Variants in FBXW7 observed in about 807,000 individuals in gnomAD.
FBXW7 encodes F-box/WD repeat-containing protein 7.
In FBXW7, 11 loss-of-function variants were observed where a neutral mutation model predicts 86.3. The observed-to-expected ratio is 0.13, with a 90% CI of 0.08 to 0.21. The LOEUF is 0.21. Ranked by LOEUF, FBXW7 falls within the 10% of genes least tolerant of loss-of-function variation. The pLI is 1.00. For synonymous variants in FBXW7, 313 were observed against 297.9 expected (o/e 1.05, Z -0.52); for missense variants, 488 against 847.4 (o/e 0.58, Z 5.27).
intron 4 of FBXW7, among the ~76,000 whole-genome samples, chr4:152,408,262 T>C (rs1737608678): frequency 6.6e-6 from 1 of 152,220 alleles, no homozygotes; most frequent in Non-Finnish European, 1.5e-5. Flanking sequence ...TTTTTCATGT[T>C]AGTAGAAAAT....
rs1334352027 is a variant in FBXW7 at position 152,326,124 on chromosome 4, T to C, written c.1526A>G (p.Tyr509Cys). ...GHVAAVRCVQ[Y>C]DGRRVVSGAY... ...TCCACTAACAACCCTCCTGCCATCA[T>C]ATTGAACACAGCGGACTGCTGCAAC... The change falls in exon 12 of 14, where the codon TAT (tyrosine) becomes TGT (cysteine). Residue 509 changes from tyrosine (Y) to cysteine (C), a missense_variant. Around this residue, in one of 4 missense-constraint regions of FBXW7, gnomAD observed 142 missense variants for 406.6 expected, o/e 0.35. Coordinates refer to ENST00000281708, the MANE Select transcript of FBXW7 (RefSeq NM_001349798.2). The C allele has an allele frequency of 6.2e-7, 1 of 1,613,444 alleles. No homozygotes were observed. Among genetic ancestry groups the C allele is most frequent in the East Asian group, 2.2e-5 (1 of 44,858 alleles).
chr4:152,479,827 G>C lies in FBXW7; in HGVS notation c.-120+55114C>G, dbSNP rs945415034. 1.3e-5 allele frequency among the ~76,000 whole-genome samples: 2 copies of C among 152,150 alleles called. 1 individual carries two copies. Among genetic ancestry groups the C allele is most frequent in the South Asian group, 4.1e-4 (2 of 4,822 alleles). ...CCTTTGTAGTCGTACAAGATTTACA[G>C]AATAATTGGGCACCACTGCATACGT... On this transcript the variant is annotated intron_variant, in intron 2 of 13. Coordinates refer to ENST00000281708, the MANE Select transcript of FBXW7 (RefSeq NM_001349798.2).
intron 4 of FBXW7, among the ~76,000 whole-genome samples, chr4:152,360,979 T>C (rs892921716): frequency 1.7e-4 from 26 of 151,918 alleles, no homozygotes; most frequent in Non-Finnish European, 2.8e-4. Context: ...TCCAGAAGAA[T>C]TCAAAATGAC....
chr4:152,523,693 A>G (rs1749233182), intron 2 of FBXW7, among the ~76,000 whole-genome samples: 1 of 152,196 alleles, frequency 6.6e-6, no homozygotes, highest in Admixed American at 6.5e-5. Flanking sequence ...CTACCTCCAA[A>G]CACTCTCAAG....
chr4:152,446,523 T>C (rs1251910295), intron 2 of FBXW7, among the ~76,000 whole-genome samples: 1 of 152,228 alleles, frequency 6.6e-6, no homozygotes, highest in Non-Finnish European at 1.5e-5. Context: ...TGTTCATACA[T>C]AATTTGATCA....
chr4:152,520,995 AT>A (rs1380972181), intron 2 of FBXW7, among the ~76,000 whole-genome samples: 1 of 152,208 alleles, frequency 6.6e-6, no homozygotes, highest in East Asian at 1.9e-4. Flanking sequence ...AGGTGACAAG[AT>A]AATGTGTGGT....
At chr4:152,500,387 C>T (rs907506626) in intron 2 of FBXW7, among the ~76,000 whole-genome samples, 2 of 151,270 alleles carry the variant, frequency 1.3e-5, no homozygotes, top group East Asian at 2.0e-4. Flanking sequence ...CTGATAACTG[C>T]ACCATACCAA....
intron 2 of FBXW7, among the ~76,000 whole-genome samples, chr4:152,454,884 C>T (rs1375078144): frequency 6.6e-6 from 1 of 152,024 alleles, no homozygotes; most frequent in Non-Finnish European, 1.5e-5. Context: ...CAATGCACCT[C>T]CACTTTCCAA....
At chr4:152,329,342 G>A (rs1729342354) in intron 10 of FBXW7, among the ~76,000 whole-genome samples, 1 of 151,650 alleles carries the variant, frequency 6.6e-6, no homozygotes, top group Admixed American at 6.6e-5. Flanking sequence ...AAAGTAATGA[G>A]GTATAACTTA....
chr4:152,354,107 C>T (rs1182232566), intron 4 of FBXW7, among the ~76,000 whole-genome samples: 3 of 152,010 alleles, frequency 2.0e-5, no homozygotes, highest in South Asian at 4.2e-4. Context: ...ATAACTAAGA[C>T]ATTATGTCAA....
chr4:152,516,238 G>A (rs140858522), intron 2 of FBXW7, among the ~76,000 whole-genome samples: 1 of 152,322 alleles, frequency 6.6e-6, no homozygotes, highest in African/African-American at 2.4e-5. Context: ...GTACTGGTCC[G>A]TGGCCTGTTA....
intron 2 of FBXW7, among the ~76,000 whole-genome samples, chr4:152,423,417 T>C (rs1426063127): frequency 1.3e-5 from 2 of 152,214 alleles, no homozygotes; most frequent in South Asian, 4.1e-4. Context: ...TAAATTTTTA[T>C]TGATAATTTT....
At chr4:152,475,426 C>G (rs755479863) in intron 2 of FBXW7, among the ~76,000 whole-genome samples, 4 of 152,082 alleles carry the variant, frequency 2.6e-5, no homozygotes, top group Admixed American at 2.6e-4. Context: ...GACCCCATCT[C>G]TAAACATAAC....
chr4:152,466,735 G>T (rs2149642958), intron 2 of FBXW7, among the ~76,000 whole-genome samples: 1 of 152,202 alleles, frequency 6.6e-6, no homozygotes, highest in South Asian at 2.1e-4. Flanking sequence ...GAGGTCAGGA[G>T]ATCGAGACCA....
intron 2 of FBXW7, among the ~76,000 whole-genome samples, chr4:152,462,916 TC>T (rs375080919): frequency 3.4e-5 from 5 of 149,250 alleles, no homozygotes; most frequent in African/African-American, 1.2e-4. Flanking sequence ...CCACTTCCAG[TC>T]TTTTTTTTTT....
At chr4:152,454,262 CTT>C (rs35734380) in intron 2 of FBXW7, among the ~76,000 whole-genome samples, 11 of 113,732 alleles carry the variant, frequency 9.7e-5, no homozygotes, top group African/African-American at 2.9e-4. Context: ...CCCCCCCCCC[CTT>C]TTTTTTTTTT....
chr4:152,462,952 AC>A lies in FBXW7; in HGVS notation c.-119-50424del. 4.2e-5 allele frequency among the ~76,000 whole-genome samples: 6 copies of A among 143,076 alleles called. 1 individual carries two copies. In the Admixed American group the frequency reaches 4.3e-4, roughly 10 times the overall value. The allele number at this position is 143,076 out of a possible 152,430, so 93.9% of individuals were successfully genotyped here. A position where few individuals can be genotyped will look rare whatever the true frequency, so the allele number is the denominator to read the frequency against. On this transcript the variant is annotated intron_variant, in intron 2 of 13. Transcript: ENST00000281708. Reference sequence around the variant, plus strand: ...TTTTTTTTTTAATCTCACATAGTACACTGAGTAATTTCTTGTCTGGTATATT... The same window carrying A: ...TTTTTTTTTTAATCTCACATAGTACATGAGTAATTTCTTGTCTGGTATATT...
At chr4:152,488,054 T>C (rs1170877445) in intron 2 of FBXW7, among the ~76,000 whole-genome samples, 2 of 152,094 alleles carry the variant, frequency 1.3e-5, no homozygotes, top group Non-Finnish European at 2.9e-5. Flanking sequence ...TCCAGTTTAA[T>C]ACTTCCTGTA....
intron 2 of FBXW7, among the ~76,000 whole-genome samples, chr4:152,452,042 T>C (rs1741956066): frequency 6.6e-6 from 1 of 152,166 alleles, no homozygotes; most frequent in African/African-American, 2.4e-5. Flanking sequence ...AGTAAAGTTT[T>C]TGTCAGAGTA....
Sources: gnomAD v4.1 joint callset for allele counts (sites outside exome capture counted in the v4.1 genomes callset) on GRCh38, gnomAD v4.1.1 for gene constraint, gnomAD v4.1.1 regional missense constraint, MANE v1.5 for transcripts, NCBI Gene and HGNC (gene_info 2026-07-23, HGNC 2026-07-21) for gene names.